RXRA: variants seen among roughly 807,000 people sequenced by gnomAD.
The protein encoded by RXRA is retinoic acid receptor RXR-alpha.
Under a neutral mutation model 44.5 loss-of-function variants are expected in RXRA, and 5 were observed. The observed-to-expected ratio is 0.11, with a 90% CI of 0.06 to 0.24. The LOEUF is 0.24. RXRA is among the 10% of genes least tolerant of loss of function. The pLI, the probability that RXRA is intolerant of heterozygous loss-of-function variation, is 1.00. For synonymous variants in RXRA, 291 were observed against 271.4 expected (o/e 1.07, Z -0.71); for missense variants, 412 against 646.5 (o/e 0.64, Z 3.93).
intron 1 of RXRA, among the ~76,000 whole-genome samples, chr9:134,369,808 G>A (rs1310535747): frequency 6.6e-6 from 1 of 152,106 alleles, no homozygotes; most frequent in Non-Finnish European, 1.5e-5. Context: ...AGGAGAGGCT[G>A]AGTCCAGAGG....
intron 1 of RXRA, among the ~76,000 whole-genome samples, chr9:134,364,038 A>G (rs866242004): frequency 1.3e-5 from 2 of 151,972 alleles, no homozygotes; most frequent in Admixed American, 1.3e-4. Flanking sequence ...CCATGTTTCC[A>G]TGGTGGGCAT....
At chr9:134,357,404 C>T (rs1296710289) in intron 1 of RXRA, among the ~76,000 whole-genome samples, 4 of 152,230 alleles carry the variant, frequency 2.6e-5, no homozygotes, top group Non-Finnish European at 5.9e-5. Flanking sequence ...CACCTTGGCC[C>T]CTCTGCTGTA....
At chr9:134,410,826 G>T (rs1019381823) in intron 4 of RXRA, among the ~76,000 whole-genome samples, 2 of 152,248 alleles carry the variant, frequency 1.3e-5, no homozygotes, top group Non-Finnish European at 2.9e-5. Context: ...GGAGACCCCT[G>T]CGAGCTTGGG....
rs1212968163 is a variant in RXRA at position 134,417,819 on chromosome 9, G to T, written c.780+492G>T. On this transcript the variant is annotated intron_variant, in intron 5 of 9. Coordinates refer to ENST00000481739, the MANE Select transcript of RXRA (RefSeq NM_002957.6). The surrounding 1 kb of genome is among the most constrained non-coding windows in gnomAD (Gnocchi z 6.1). ...GTGCCCGGCAGTCGCGGTGGCTGCT[G>T]TTGATACAGGAAGCAGCTCTGCAGC... Among the ~76,000 whole-genome samples the T allele has an allele frequency of 6.6e-6, 1 of 152,098 alleles. No homozygotes were observed. Among genetic ancestry groups the T allele is most frequent in the African/African-American group, 2.4e-5 (1 of 41,414 alleles).
intron 1 of RXRA, among the ~76,000 whole-genome samples, chr9:134,381,187 G>A (rs945985005): frequency 1.3e-5 from 2 of 152,210 alleles, no homozygotes; most frequent in Admixed American, 1.3e-4. Context: ...GGGACCCTGG[G>A]GAGGGAGATC....
chr9:134,394,463 G>T (rs1360976095), intron 1 of RXRA, among the ~76,000 whole-genome samples: 1 of 152,156 alleles, frequency 6.6e-6, no homozygotes, highest in Non-Finnish European at 1.5e-5. Context: ...AAGGGTGTTT[G>T]GTTGGTGTCT....
At chr9:134,391,709 C>A (rs1016350666) in intron 1 of RXRA, among the ~76,000 whole-genome samples, 1 of 152,198 alleles carries the variant, frequency 6.6e-6, no homozygotes, top group African/African-American at 2.4e-5. Context: ...CCAAGGTGGG[C>A]GTCATTGCTG....
intron 7 of RXRA, among the ~76,000 whole-genome samples, chr9:134,431,077 C>T (rs925429041): frequency 6.6e-5 from 10 of 152,240 alleles, no homozygotes; most frequent in South Asian, 6.2e-4. Flanking sequence ...CCCTCAGGGC[C>T]GCCCTTGGCC....
At chr9:134,422,107 CACT>C in intron 6 of RXRA, 1 of 1,343,424 alleles carries the variant, frequency 7.4e-7, no homozygotes, top group South Asian at 1.2e-5. Flanking sequence ...TCCTGGGACA[CACT>C]TCTACCTCCC....
intron 1 of RXRA, chr9:134,371,973 G>A (rs1218513717): frequency 6.6e-6 from 1 of 152,258 alleles, no homozygotes; most frequent in African/African-American, 2.4e-5. Flanking sequence ...GTGCAGGACT[G>A]GGTGCCAGGC....
chr9:134,395,684 C>T (rs1055559019), intron 1 of RXRA, among the ~76,000 whole-genome samples: 4 of 152,206 alleles, frequency 2.6e-5, no homozygotes, highest in Non-Finnish European at 5.9e-5. Flanking sequence ...GGGGCTGGAC[C>T]TCCCCATGGG....
intron 1 of RXRA, among the ~76,000 whole-genome samples, chr9:134,381,799 G>C (rs1406926736): frequency 6.6e-6 from 1 of 152,234 alleles, no homozygotes; most frequent in Non-Finnish European, 1.5e-5. Context: ...CGACCTCCCC[G>C]GGGTGCCCAG....
In RXRA at chr9:134,346,381, T is replaced by C. The variant is rs1045611105; in HGVS notation, c.28+19722T>C. Among the ~76,000 whole-genome samples the C allele has an allele frequency of 5.3e-5, 8 of 152,230 alleles. No individual in the cohort carries two copies. In the South Asian group the frequency reaches 6.2e-4, roughly 12 times the overall value. On this transcript the variant is annotated intron_variant, in intron 1 of 9. Coordinates refer to ENST00000481739, the MANE Select transcript of RXRA (RefSeq NM_002957.6). ...GCCCTTCTGCCGTTGCCCCTTCAGGTCTCCCTCGGCTGTCGGCTCATCCAG... is the reference window on the plus strand; with the variant it reads ...GCCCTTCTGCCGTTGCCCCTTCAGGCCTCCCTCGGCTGTCGGCTCATCCAG...
At chr9:134,412,598 G>A (rs1285132533) in intron 4 of RXRA, among the ~76,000 whole-genome samples, 20 of 152,206 alleles carry the variant, frequency 1.3e-4, no homozygotes, top group Non-Finnish European at 1.5e-4. Flanking sequence ...GGAGGGACTC[G>A]TTCCGCAGCA....
At chr9:134,418,641 A>T (rs1831278863) in intron 5 of RXRA, among the ~76,000 whole-genome samples, 2 of 152,080 alleles carry the variant, frequency 1.3e-5, no homozygotes, top group Non-Finnish European at 1.5e-5. Context: ...TCCGGCCTTC[A>T]TCTGTGCCCC....
Position 134,365,724 on chromosome 9 carries a change from G to A in RXRA, c.29-35908G>A, listed in dbSNP as rs1033326005. ...GGCCAGATGTAGCCCTGAGGGGCCC[G>A]GCAGAGTCTCGGTGGGTCTCGGTGG... On this transcript the variant is annotated intron_variant, in intron 1 of 9. Coordinates refer to ENST00000481739, the MANE Select transcript of RXRA (RefSeq NM_002957.6). This position sits in a 1 kb window ranked among gnomAD's most constrained non-coding sequence, Gnocchi z 4.0. Among the ~76,000 whole-genome samples the A allele has an allele frequency of 1.3e-5, 2 of 152,050 alleles. No homozygotes were observed. Among genetic ancestry groups the A allele is most frequent in the African/African-American group, 4.8e-5 (2 of 41,362 alleles).
At chr9:134,387,227 T>G (rs1302621985) in intron 1 of RXRA, among the ~76,000 whole-genome samples, 1 of 152,214 alleles carries the variant, frequency 6.6e-6, no homozygotes, top group Non-Finnish European at 1.5e-5. Flanking sequence ...CTGGCTCATG[T>G]CCCGTTTCTT....
chr9:134,385,909 G>T (rs1007035838), intron 1 of RXRA, among the ~76,000 whole-genome samples: 14 of 152,246 alleles, frequency 9.2e-5, no homozygotes, highest in Non-Finnish European at 1.9e-4. Context: ...CTTGTCCTCT[G>T]CCCAGGCCCC....
At chr9:134,397,750 C>A (rs552284223) in intron 1 of RXRA, among the ~76,000 whole-genome samples, 144 of 152,206 alleles carry the variant, frequency 9.5e-4, no homozygotes, top group Non-Finnish European at 1.8e-3. Flanking sequence ...ATTGTGGGGC[C>A]CTGTATGGCT....
Sources: gnomAD v4.1 joint callset for allele counts (sites outside exome capture counted in the v4.1 genomes callset) on GRCh38, gnomAD v4.1.1 for gene constraint, Gnocchi (gnomAD v3.1) non-coding constraint, MANE v1.5 for transcripts, NCBI Gene and HGNC (gene_info 2026-07-23, HGNC 2026-07-21) for gene names.